The following AGBL4 variants were observed in gnomAD, a reference collection of about 807,000 sequenced individuals.
The protein encoded by AGBL4 is AGBL carboxypeptidase 4.
In AGBL4, 58 loss-of-function variants were observed where a neutral mutation model predicts 66.4. The ratio of observed to expected loss-of-function variants is 0.87; its 90% CI spans 0.71 to 1.09. The LOEUF (loss-of-function observed/expected upper bound fraction) is 1.09. AGBL4 is among the 50% of genes least tolerant of loss of function. AGBL4 has a pLI of 0.00. For synonymous variants in AGBL4, 234 were observed against 222.9 expected, an observed-to-expected ratio of 1.05 and a Z score of -0.44; for missense variants, 579 against 631.0, an observed-to-expected ratio of 0.92 and a Z score of 0.88.
chr1:49,050,239 C>T (rs1644180751), intron 4 of AGBL4, among the ~76,000 whole-genome samples: 1 of 152,082 alleles, frequency 6.6e-6, no homozygotes, highest in Non-Finnish European at 1.5e-5. Context: ...CAGATTCAGT[C>T]ATGCATGACT....
At chr1:49,238,127 G>A (rs1650932747) in intron 4 of AGBL4, among the ~76,000 whole-genome samples, 3 of 151,792 alleles carry the variant, frequency 2.0e-5, no homozygotes, top group Admixed American at 2.0e-4. Context: ...TTCTTTCTTT[G>A]TCTTTAATTT....
intron 3 of AGBL4, among the ~76,000 whole-genome samples, chr1:49,584,189 AC>A (rs1235597635): frequency 6.6e-6 from 1 of 152,006 alleles, no homozygotes; most frequent in Non-Finnish European, 1.5e-5. Context: ...GAAACTAGGG[AC>A]CCCCTCTCCC....
intron 5 of AGBL4, among the ~76,000 whole-genome samples, chr1:48,912,354 G>T (rs1653205271): frequency 6.6e-6 from 1 of 152,224 alleles, no homozygotes; most frequent in Non-Finnish European, 1.5e-5. Context: ...AAGCCATACA[G>T]AGGATTGAGG....
At chr1:49,755,148 C>T (rs1651795895) in intron 2 of AGBL4, among the ~76,000 whole-genome samples, 1 of 152,144 alleles carries the variant, frequency 6.6e-6, no homozygotes, top group Non-Finnish European at 1.5e-5. Flanking sequence ...TTAACCATCA[C>T]ATCAACCCTT....
chr1:49,881,920 G>T (rs534227511), intron 1 of AGBL4, among the ~76,000 whole-genome samples: 19 of 152,096 alleles, frequency 1.2e-4, no homozygotes, highest in South Asian at 4.2e-4. Context: ...TTTTGGCTTT[G>T]GTTGCCATTG....
At chr1:49,404,392 C>T (rs1023375604) in intron 3 of AGBL4, among the ~76,000 whole-genome samples, 18 of 152,154 alleles carry the variant, frequency 1.2e-4, no homozygotes, top group Non-Finnish European at 5.9e-5. Context: ...CTATCTTGAT[C>T]ATGGACTCCT....
intron 9 of AGBL4, among the ~76,000 whole-genome samples, chr1:48,607,869 C>A (rs1365047526): frequency 6.6e-6 from 1 of 152,176 alleles, no homozygotes; most frequent in South Asian, 2.1e-4. Context: ...CTGTGTAAAA[C>A]AGCTCACATT....
intron 1 of AGBL4, among the ~76,000 whole-genome samples, chr1:50,010,369 A>G (rs1661440511): frequency 6.6e-6 from 1 of 152,060 alleles, no homozygotes; most frequent in Non-Finnish European, 1.5e-5. Flanking sequence ...TGTTCATACT[A>G]TCCAAAGCAA....
intron 3 of AGBL4, among the ~76,000 whole-genome samples, chr1:49,401,002 G>A (rs936070976): frequency 6.6e-6 from 1 of 152,050 alleles, no homozygotes; most frequent in Non-Finnish European, 1.5e-5. Context: ...CCAGTTTTTT[G>A]AGGGTTTTCT....
chr1:49,116,734 C>T (rs1307199673), intron 4 of AGBL4, among the ~76,000 whole-genome samples: 4 of 152,044 alleles, frequency 2.6e-5, no homozygotes, highest in African/African-American at 9.7e-5. Context: ...GGGTATATAC[C>T]CAGTAATGGG....
chr1:49,286,447 G>A (rs1309992500), intron 3 of AGBL4, among the ~76,000 whole-genome samples: 1 of 152,130 alleles, frequency 6.6e-6, no homozygotes, highest in Admixed American at 6.6e-5. Context: ...TGACATGATT[G>A]TATATCTAGA....
intron 6 of AGBL4, among the ~76,000 whole-genome samples, chr1:48,851,063 T>A (rs1039563691): frequency 6.6e-6 from 1 of 152,256 alleles, no homozygotes; most frequent in Non-Finnish European, 1.5e-5. Flanking sequence ...ATGTGCTATA[T>A]GAAAACCACT....
intron 8 of AGBL4, among the ~76,000 whole-genome samples, chr1:48,647,765 G>T (rs1009863795): frequency 1.3e-5 from 2 of 152,168 alleles, no homozygotes; most frequent in African/African-American, 2.4e-5. Context: ...AAGAAGTGAC[G>T]AGGAAGGAGC....
At chr1:49,520,396 C>A (rs1650162758) in intron 3 of AGBL4, among the ~76,000 whole-genome samples, 1 of 152,034 alleles carries the variant, frequency 6.6e-6, no homozygotes, top group African/African-American at 2.4e-5. Context: ...TGAACTTCAA[C>A]TCAACTCTTT....
At chr1:48,816,583 C>T (rs1646183695) in intron 6 of AGBL4, among the ~76,000 whole-genome samples, 1 of 152,050 alleles carries the variant, frequency 6.6e-6, no homozygotes, top group Non-Finnish European at 1.5e-5. Flanking sequence ...AGCCTGTAAC[C>T]CTCAGGTTTA....
intron 3 of AGBL4, among the ~76,000 whole-genome samples, chr1:49,420,259 T>C (rs1645514639): frequency 6.6e-6 from 1 of 152,198 alleles, no homozygotes; most frequent in Admixed American, 6.5e-5. Context: ...AGGGTTGGCA[T>C]TACAGTTCTA....
intron 6 of AGBL4, among the ~76,000 whole-genome samples, chr1:48,665,748 TTAGTATTTA>T (rs1646176358): frequency 6.7e-6 from 1 of 148,556 alleles, no homozygotes; most frequent in Non-Finnish European, 1.5e-5. Flanking sequence ...AGCCGCTGTC[TTAGTATTTA>T]TATTGCTTTT....
At chr1:49,027,752 C>A (rs1663839477) in intron 5 of AGBL4, among the ~76,000 whole-genome samples, 1 of 152,116 alleles carries the variant, frequency 6.6e-6, no homozygotes, top group Non-Finnish European at 1.5e-5. Flanking sequence ...CCCCACCAGA[C>A]CTTACTCATA....
intron 4 of AGBL4, among the ~76,000 whole-genome samples, chr1:49,050,720 T>C (rs1286762329): frequency 6.6e-6 from 1 of 152,168 alleles, no homozygotes; most frequent in Non-Finnish European, 1.5e-5. Context: ...GCTCAAATGA[T>C]AGTTCCTCTT....
Sources: gnomAD v4.1 joint callset for allele counts (sites outside exome capture counted in the v4.1 genomes callset) on GRCh38, gnomAD v4.1.1 for gene constraint, MANE v1.5 for transcripts, NCBI Gene and HGNC (gene_info 2026-07-23, HGNC 2026-07-21) for gene names.